Variants in ANK3 observed in about 807,000 individuals in gnomAD.
The protein encoded by ANK3 is ankyrin 3.
In ANK3, 57 loss-of-function variants were observed where a neutral mutation model predicts 370.9. The ratio of observed to expected loss-of-function variants is 0.15; its 90% CI spans 0.12 to 0.19. The LOEUF is 0.19. Among genes scored for constraint, ANK3 ranks in the 10% least tolerant of loss-of-function variants. The probability of loss-of-function intolerance (pLI) is 1.00; values close to 1 mark genes in which losing one functional copy is unlikely to be tolerated. For missense variants in ANK3, 4,439 were observed against 5,302.1 expected (o/e 0.84, Z 5.06); for synonymous variants, 1,929 against 1,946.3 (o/e 0.99, Z 0.23).
In ANK3 at chr10:60,074,753, C is replaced by T. The variant is rs148860980; in HGVS notation, c.6128G>A (p.Ser2043Asn). The part of the protein sequence containing the change: ...VIDYLTNDIG[S>N]SSLTNLKYKF... The stretch of plus-strand genomic sequence containing the variant: ...GTATTTTAAGTTTGTCAGTGAACTA[C>T]TCCCAATATCATTTGTTAGGTAATC... The change falls in exon 37 of 44, where the codon AGT becomes AAT. Residue 2043 changes from serine to asparagine, a missense_variant. Coordinates refer to ENST00000280772, the MANE Select transcript of ANK3 (RefSeq NM_020987.5). 2.8e-5 allele frequency: 45 copies of T among 1,614,098 alleles called. No individual in the cohort carries two copies. Among genetic ancestry groups the T allele is most frequent in the Middle Eastern group, 1.7e-4 (1 of 6,060 alleles).
chr10:60,522,184 T>C (rs2076362850), intron 2 of ANK3, among the ~76,000 whole-genome samples: 1 of 152,036 alleles, frequency 6.6e-6, no homozygotes, highest in Admixed American at 6.6e-5. Flanking sequence ...CTTATCTAGT[T>C]ATCAGGAGTT....
At chr10:60,385,144 C>T (rs1205809861) in intron 1 of ANK3, among the ~76,000 whole-genome samples, 1 of 152,162 alleles carries the variant, frequency 6.6e-6, no homozygotes, top group African/African-American at 2.4e-5. Flanking sequence ...TGCAAGATGG[C>T]ATATGAAGAT....
At chr10:60,539,671 A>T (rs2076802722) in intron 2 of ANK3, among the ~76,000 whole-genome samples, 1 of 151,936 alleles carries the variant, frequency 6.6e-6, no homozygotes. Context: ...ATGTACATAT[A>T]GGACAAAACA....
chr10:60,379,159 C>G lies in ANK3; in HGVS notation c.114+10266G>C, dbSNP rs186040212. On this transcript the variant is annotated intron_variant, in intron 1 of 43. Coordinates refer to ENST00000280772, the MANE Select transcript of ANK3 (RefSeq NM_020987.5). ...AATCAAAACCACAATGAGGTATCAT[C>G]TCACCCCAGTTAGGATTGCTATTAT... 1.1e-3 allele frequency among the ~76,000 whole-genome samples: 170 copies of G among 152,214 alleles called. 1 individual carries two copies. The highest frequency in any genetic ancestry group is 3.9e-3 in the African/African-American group (163 of 41,556).
intron 5 of ANK3, among the ~76,000 whole-genome samples, chr10:60,268,965 G>A (rs1006521888): frequency 6.6e-6 from 1 of 152,106 alleles, no homozygotes; most frequent in South Asian, 2.1e-4. Context: ...TTATTTAGTG[G>A]TTTCCCTAGA....
chr10:60,377,628 T>C (rs764147924), intron 1 of ANK3, among the ~76,000 whole-genome samples: 10 of 152,200 alleles, frequency 6.6e-5, no homozygotes, highest in Non-Finnish European at 1.2e-4. Context: ...AAATCATTTA[T>C]ATATAGAAAA....
At chr10:60,409,471 A>G (rs904892251) in intron 2 of ANK3, among the ~76,000 whole-genome samples, 1 of 152,272 alleles carries the variant, frequency 6.6e-6, no homozygotes, top group Non-Finnish European at 1.5e-5. Flanking sequence ...AGATGTATAC[A>G]TAAAGAAGTT....
At chr10:60,370,905 G>A (rs1354757745) in intron 1 of ANK3, among the ~76,000 whole-genome samples, 1 of 152,066 alleles carries the variant, frequency 6.6e-6, no homozygotes, top group Non-Finnish European at 1.5e-5. Flanking sequence ...AGTAATAGGG[G>A]AAATCGGGAG....
intron 6 of ANK3, among the ~76,000 whole-genome samples, chr10:60,263,229 C>T (rs2097834775): frequency 6.6e-6 from 1 of 152,140 alleles, no homozygotes; most frequent in Admixed American, 6.5e-5. Context: ...TTGCAGAAAG[C>T]TCATGACAGC....
At chr10:60,355,074 T>C (rs2057513514) in intron 1 of ANK3, among the ~76,000 whole-genome samples, 1 of 152,146 alleles carries the variant, frequency 6.6e-6, no homozygotes, top group Admixed American at 6.5e-5. Flanking sequence ...TAAGAAATAG[T>C]ACATAAGAAA....
intron 2 of ANK3, among the ~76,000 whole-genome samples, chr10:60,585,485 C>T (rs1464985794): frequency 6.6e-6 from 1 of 152,082 alleles, no homozygotes; most frequent in Non-Finnish European, 1.5e-5. Flanking sequence ...CTGAGAACAA[C>T]TTTGAAGGAA....
intron 1 of ANK3, among the ~76,000 whole-genome samples, chr10:60,636,240 A>C (rs7068462): frequency 0.68 from 102,846 of 152,014 alleles, 34,937 homozygotes; most frequent in South Asian, 0.82. Flanking sequence ...TTTCTAAAAA[A>C]AATTTTAACC....
intron 37 of ANK3, 123 bp from the exon 38 acceptor site, chr10:60,068,132 C>A: frequency 1.3e-6 from 1 of 773,956 alleles, no homozygotes; most frequent in Non-Finnish European, 2.1e-6. Context: ...TGAAATGTGT[C>A]CTAGTCACCT....
intron 1 of ANK3, among the ~76,000 whole-genome samples, chr10:60,673,294 G>T (rs74828440): frequency 0.012 from 1,785 of 152,072 alleles, 34 homozygotes; most frequent in African/African-American, 0.04. Flanking sequence ...CACAGAATAG[G>T]AAATAACTCA....
At chr10:60,351,222 C>A (rs2056797466) in intron 1 of ANK3, among the ~76,000 whole-genome samples, 1 of 152,152 alleles carries the variant, frequency 6.6e-6, no homozygotes, top group East Asian at 1.9e-4. Context: ...GGACCACAAG[C>A]ATTTAAATAG....
In ANK3 at chr10:60,311,492, A is replaced by AG. The variant is rs1469330005; in HGVS notation, c.115-31854_115-31853insC. On this transcript the variant is annotated intron_variant, in intron 1 of 43. Transcript: ENST00000280772. ...TGGAAGCCAAAAAAAAAAAAAAAAAAAAAGAGAGAGAGAGGGAGAATAGTC... is the reference window on the plus strand; with the variant it reads ...TGGAAGCCAAAAAAAAAAAAAAAAAAGAAAGAGAGAGAGAGGGAGAATAGTC... Among the ~76,000 whole-genome samples, 4 of 142,870 alleles carry AG rather than the reference A, an allele frequency of 2.8e-5. No homozygotes were observed. The East Asian group carries it at 8.4e-4, about 30-fold the overall frequency. 93.7% of individuals were successfully genotyped at this position (142,870 alleles called of 152,430 possible).
chr10:60,602,336 C>T (rs1025478984), intron 2 of ANK3, among the ~76,000 whole-genome samples: 1 of 152,066 alleles, frequency 6.6e-6, no homozygotes, highest in Non-Finnish European at 1.5e-5. Context: ...GGAAGGTTGG[C>T]AGTGGGCTTA....
chr10:60,171,283 T>C (rs1478468260), intron 21 of ANK3, among the ~76,000 whole-genome samples: 2 of 152,232 alleles, frequency 1.3e-5, no homozygotes, highest in East Asian at 3.8e-4. Flanking sequence ...TACAAAATTT[T>C]TCTCCCGTAA....
At position 60,072,619 on chromosome 10, in the gene ANK3, G is replaced by C. The variant is rs913558110; in HGVS notation, c.8262C>G (p.Ser2754Arg). The change falls in exon 37 of 44, where the codon AGC becomes AGG. Residue 2754 changes from serine (S) to arginine (R), a missense_variant. Ser to Arg is a moderately radical substitution (Grantham distance 110, BLOSUM62 -1). Coordinates refer to ENST00000280772, the MANE Select transcript of ANK3 (RefSeq NM_020987.5). Reference protein sequence around the residue: ...SRIPVKKIQESKLPVYQVFAR... With the variant: ...SRIPVKKIQERKLPVYQVFAR... ...CAAAAACTTGGTAGACGGGTAGCTT[G>C]CTCTCCTGTATTTTTTTAACTGGGA... is the stretch of plus-strand genomic sequence containing the variant. 1.2e-6 allele frequency: 2 copies of C among 1,614,008 alleles called. No homozygotes were observed. Among genetic ancestry groups the C allele is most frequent in the Non-Finnish European group, 1.7e-6 (2 of 1,179,984 alleles).
Sources: gnomAD v4.1 joint callset for allele counts (sites outside exome capture counted in the v4.1 genomes callset) on GRCh38, gnomAD v4.1.1 for gene constraint, MANE v1.5 for transcripts, NCBI Gene and HGNC (gene_info 2026-07-23, HGNC 2026-07-21) for gene names.